GYS2: variants seen among roughly 807,000 people sequenced by gnomAD.
The protein encoded by GYS2 is glycogen synthase 2.
A neutral mutation model predicts 85.6 loss-of-function variants in GYS2; 80 were observed. The observed-to-expected ratio is 0.93, with a 90% CI of 0.78 to 1.13. The LOEUF is 1.13. GYS2 is among the 50% of genes most tolerant of loss of function. The probability of loss-of-function intolerance (pLI) is 0.00; values close to 1 mark genes in which losing one functional copy is unlikely to be tolerated. For missense variants in GYS2, 881 were observed against 854.9 expected, an observed-to-expected ratio of 1.03 and a Z score of -0.38; for synonymous variants, 328 against 300.7, an observed-to-expected ratio of 1.09 and a Z score of -0.94.
intron 1 of GYS2, among the ~76,000 whole-genome samples, chr12:21,587,660 G>T (rs916264880): frequency 6.6e-6 from 1 of 151,922 alleles, no homozygotes; most frequent in Non-Finnish European, 1.5e-5. Context: ...CCAGTCTCAG[G>T]TATGTCTTTA....
At chr12:21,578,242 T>G (rs138561488) in intron 2 of GYS2, among the ~76,000 whole-genome samples, 124 of 152,328 alleles carry the variant, frequency 8.1e-4, no homozygotes, top group African/African-American at 2.9e-3. Flanking sequence ...ATCTTCTTTC[T>G]GGCTTTGCTT....
intron 5 of GYS2, among the ~76,000 whole-genome samples, chr12:21,567,399 G>A (rs770840204): frequency 5.9e-5 from 9 of 151,916 alleles, no homozygotes; most frequent in Non-Finnish European, 1.2e-4. Flanking sequence ...GCATATTGAT[G>A]GAATAAACTC....
chr12:21,544,885 A>G (rs117631982), intron 12 of GYS2, among the ~76,000 whole-genome samples: 3,131 of 152,284 alleles, frequency 0.021, 63 homozygotes, highest in Non-Finnish European at 0.029. Flanking sequence ...ATGACCAAAC[A>G]TGCCCAGCCC....
chr12:21,543,634 C>T (rs925462329), intron 12 of GYS2, among the ~76,000 whole-genome samples: 2 of 151,902 alleles, frequency 1.3e-5, no homozygotes, highest in Admixed American at 6.6e-5. Context: ...CGTGCAGGTT[C>T]GTTACATAGG....
At chr12:21,558,377 A>C in intron 10 of GYS2, 64 bp from the exon 11 acceptor site, 2 of 977,608 alleles carry the variant, frequency 2.0e-6, no homozygotes, top group South Asian at 1.3e-5. Flanking sequence ...ACTAATTTCA[A>C]CAATAGGTCA....
intron 1 of GYS2, among the ~76,000 whole-genome samples, chr12:21,587,955 G>A (rs973008706): frequency 1.3e-5 from 2 of 152,114 alleles, no homozygotes; most frequent in Non-Finnish European, 2.9e-5. Context: ...ATAGGGAGGG[G>A]TAAGGGGAGG....
chr12:21,572,146 C>T (rs1015805389), intron 4 of GYS2, among the ~76,000 whole-genome samples: 17 of 152,088 alleles, frequency 1.1e-4, no homozygotes, highest in African/African-American at 3.6e-4. Context: ...AAATTTCATA[C>T]GCTGGCTGAA....
intron 12 of GYS2, among the ~76,000 whole-genome samples, chr12:21,545,388 G>A (rs1177693799): frequency 6.6e-6 from 1 of 152,218 alleles, no homozygotes; most frequent in Non-Finnish European, 1.5e-5. Flanking sequence ...GTTGCAGTGA[G>A]CCAAGATCAT....
rs1172385108 is a variant in GYS2 at position 21,536,997 on chromosome 12, A to T, written c.2069T>A (p.Val690Asp). 3.1e-6 allele frequency: 5 copies of T among 1,613,884 alleles called. No homozygotes were observed. The African/African-American group carries it at 4.0e-5, about 13-fold the overall frequency. Residue 690 changes from valine (V) to aspartate (D), a missense_variant, in exon 16 of 16, where the codon GTT (valine) becomes GAT (aspartate). By Grantham distance (152) the Val-to-Asp change is radical. Coordinates refer to ENST00000261195, the MANE Select transcript of GYS2 (RefSeq NM_021957.4). ...ATGCAGCTTTTTCTTCCCATGAGGA[A>T]CGTGGCTCAGTGAAAATGGTGACTT... The part of the protein sequence containing the change: ...NIKSPFSLSH[V>D]PHGKKKLHGE...
At position 21,575,937 on chromosome 12, in the gene GYS2, T is replaced by A. The variant is rs1944440958; in HGVS notation, c.424A>T (p.Ile142Phe). The A allele has an allele frequency of 1.2e-6, 2 of 1,613,874 alleles. No homozygotes were observed. The highest frequency in any genetic ancestry group is 1.7e-6 in the Non-Finnish European group (2 of 1,179,890). The change falls in exon 3 of 16, where the codon ATT (isoleucine) becomes TTT (phenylalanine). Residue 142 changes from isoleucine (I) to phenylalanine (F), a missense_variant. Coordinates refer to ENST00000261195, the MANE Select transcript of GYS2 (RefSeq NM_021957.4). ...TTGGCTTCTCGGTCATGATAAGGAA[T>A]GCCGACACTGCATGCTTCCCAGAGG... ...GDLWEACSVG[I>F]PYHDREANDM...
intron 1 of GYS2, among the ~76,000 whole-genome samples, chr12:21,602,416 A>C (rs926831936): frequency 3.9e-5 from 6 of 152,066 alleles, no homozygotes; most frequent in Non-Finnish European, 5.9e-5. Flanking sequence ...TATCACTACT[A>C]TGAAATGCAG....
chr12:21,597,206 TGGG>T (rs887393149), intron 1 of GYS2, among the ~76,000 whole-genome samples: 98 of 151,878 alleles, frequency 6.5e-4, no homozygotes, highest in African/African-American at 2.2e-3. Context: ...AATAGACAAA[TGGG>T]ACTATATTAA....
At chr12:21,552,505 T>C (rs1944124409) in intron 11 of GYS2, among the ~76,000 whole-genome samples, 1 of 152,202 alleles carries the variant, frequency 6.6e-6, no homozygotes, top group South Asian at 2.1e-4. Flanking sequence ...CCTAAGTTAT[T>C]GCCAAATTTT....
rs759806977 is a variant in GYS2 at position 21,559,175 on chromosome 12, G to C, written c.1230-6C>G. 3 of 1,568,772 alleles carry C rather than the reference G, an allele frequency of 1.9e-6. No homozygotes were observed. The Admixed American group carries it at 5.0e-5, about 26-fold the overall frequency. ...TCAGGTCAGGAATTTCTCCTCTGCA[G>C]GGAAAAAATGTTAATAACAAAAATA... On this transcript the variant is annotated splice_region_variant and splice_polypyrimidine_tract_variant and intron_variant, in intron 9 of 15. Transcript: ENST00000261195.
chr12:21,553,780 A>G (rs1265929549), intron 11 of GYS2, among the ~76,000 whole-genome samples: 1 of 120,644 alleles, frequency 8.3e-6, no homozygotes, highest in Non-Finnish European at 1.7e-5. Flanking sequence ...CAGTAAACCA[A>G]TTTATACACA....
At chr12:21,551,051 G>A (rs1944104305) in intron 11 of GYS2, among the ~76,000 whole-genome samples, 1 of 150,810 alleles carries the variant, frequency 6.6e-6, no homozygotes, top group South Asian at 2.1e-4. Flanking sequence ...GGGTACATGT[G>A]CACATTGTGC....
intron 12 of GYS2, among the ~76,000 whole-genome samples, chr12:21,544,015 A>C (rs1944009667): frequency 6.6e-6 from 1 of 152,224 alleles, no homozygotes; most frequent in Non-Finnish European, 1.5e-5. Context: ...CATGAAGTTT[A>C]GTATATGTTC....
Position 21,538,776 on chromosome 12 carries a change from C to T in GYS2, c.1890+482G>A, listed in dbSNP as rs1453058377. Among the ~76,000 whole-genome samples the T allele has an allele frequency of 2.0e-5, 3 of 152,290 alleles. No individual in the cohort carries two copies. In the East Asian group the frequency reaches 5.8e-4, roughly 29 times the overall value. The stretch of plus-strand genomic sequence containing the variant: ...GATGACAAATGTGGCCTATAGCAGT[C>T]TTATGAACATAAACGTCTAGTTGGA... On this transcript the variant is annotated intron_variant, in intron 15 of 15. Transcript: ENST00000261195.
At chr12:21,555,680 C>A (rs928921501) in intron 11 of GYS2, among the ~76,000 whole-genome samples, 2 of 152,168 alleles carry the variant, frequency 1.3e-5, no homozygotes, top group African/African-American at 4.8e-5. Flanking sequence ...ATGATTGCTT[C>A]TTTATCCTTT....
Sources: gnomAD v4.1 joint callset for allele counts (sites outside exome capture counted in the v4.1 genomes callset) on GRCh38, gnomAD v4.1.1 for gene constraint, MANE v1.5 for transcripts, NCBI Gene and HGNC (gene_info 2026-07-23, HGNC 2026-07-21) for gene names.